The following ATXN7 variants were observed in gnomAD, a reference collection of about 807,000 sequenced individuals.
ATXN7 encodes ataxin 7, also known as ataxin-7.
Under a neutral mutation model 70.5 loss-of-function variants are expected in ATXN7, and 12 were observed. The observed-to-expected ratio is 0.17, with a 90% CI of 0.11 to 0.28. The LOEUF (loss-of-function observed/expected upper bound fraction) is 0.28, where lower values mean the gene tolerates loss of function less well. Among genes scored for constraint, ATXN7 ranks in the 10% least tolerant of loss-of-function variants. The pLI, the probability that ATXN7 is intolerant of heterozygous loss-of-function variation, is 1.00. For missense variants in ATXN7, 1,256 were observed against 1,131.7 expected, an observed-to-expected ratio of 1.11 and a Z score of -1.58; for synonymous variants, 498 against 448.7, an observed-to-expected ratio of 1.11 and a Z score of -1.39.
At chr3:63,915,983 G>A (rs976774305) in intron 4 of ATXN7, among the ~76,000 whole-genome samples, 5 of 152,064 alleles carry the variant, frequency 3.3e-5, no homozygotes, top group Non-Finnish European at 5.9e-5. Context: ...CACCACCCCC[G>A]CCAGAAACTC....
At chr3:63,877,247 A>C (rs72878744) in intron 1 of ATXN7, among the ~76,000 whole-genome samples, 376 of 152,306 alleles carry the variant, frequency 2.5e-3, no homozygotes, top group African/African-American at 8.7e-3. Context: ...TGATTACAGA[A>C]ATCATAAGTG....
intron 4 of ATXN7, among the ~76,000 whole-genome samples, chr3:63,929,656 T>C (rs1429324056): frequency 1.3e-5 from 2 of 152,150 alleles, no homozygotes; most frequent in African/African-American, 2.4e-5. Context: ...ACTAAGTAGA[T>C]TGATCTGACC....
chr3:63,912,951 T>G, intron 3 of ATXN7, 28 bp downstream of exon 3: 5 of 1,368,882 alleles, frequency 3.7e-6, no homozygotes, highest in East Asian at 3.9e-5. Context: ...CCTCCCCCCT[T>G]CACCCCCTCG....
upstream of ATXN7, chr3:63,863,688 G>C: frequency 8.1e-7 from 1 of 1,239,234 alleles, no homozygotes; most frequent in Non-Finnish European, 1.0e-6. Flanking sequence ...AGGGGTTCCC[G>C]GAAGCGGGCC....
chr3:63,871,309 TA>T (rs1702584858), intron 1 of ATXN7, among the ~76,000 whole-genome samples: 1 of 152,240 alleles, frequency 6.6e-6, no homozygotes, highest in African/African-American at 2.4e-5. Flanking sequence ...TTTGCCATTT[TA>T]TATATAGATA....
intron 4 of ATXN7, among the ~76,000 whole-genome samples, chr3:63,920,543 G>C (rs1485073428): frequency 6.6e-6 from 1 of 152,082 alleles, no homozygotes; most frequent in Non-Finnish European, 1.5e-5. Flanking sequence ...CCTAACCTTT[G>C]TTTTTCTTAT....
chr3:63,960,425 G>C (rs1431780100), intron 5 of ATXN7, among the ~76,000 whole-genome samples: 1 of 152,192 alleles, frequency 6.6e-6, no homozygotes, highest in Non-Finnish European at 1.5e-5. Context: ...TTATGATCAC[G>C]TGGTTGCTGT....
chr3:63,926,491 C>T (rs939900615), intron 4 of ATXN7, among the ~76,000 whole-genome samples: 2 of 152,146 alleles, frequency 1.3e-5, no homozygotes, highest in African/African-American at 4.8e-5. Context: ...TTTTGAAGAA[C>T]AGCAGGGGGC....
intron 5 of ATXN7, among the ~76,000 whole-genome samples, chr3:63,966,186 G>C (rs2075219278): frequency 6.6e-6 from 1 of 152,148 alleles, no homozygotes; most frequent in Non-Finnish European, 1.5e-5. Context: ...AAGGACTCTG[G>C]TGTTCTGTCA....
intron 4 of ATXN7, among the ~76,000 whole-genome samples, chr3:63,934,929 G>T (rs1208549948): frequency 6.6e-6 from 1 of 152,164 alleles, no homozygotes; most frequent in Non-Finnish European, 1.5e-5. Flanking sequence ...AGCCTCTCTG[G>T]CCTCTACCAC....
rs1276886712 is a variant in ATXN7, at chr3:63,912,772, A to G, written c.174A>G (p.Thr58=). 4 of 1,433,996 alleles carry G rather than the reference A, an allele frequency of 2.8e-6. No homozygotes were observed. Among genetic ancestry groups the G allele is most frequent in the Non-Finnish European group, 3.7e-6 (4 of 1,094,520 alleles). The allele number at this position is 1,433,996 out of a possible 1,614,324, so 88.8% of individuals were successfully genotyped here. The change falls in exon 3 of 13, where the codon ACA becomes ACG. Residue 58 remains threonine, a synonymous_variant. Transcript: ENST00000674280. The part of the protein sequence containing the change: ...QQHPPPPPRR[T]RPEDGGPGAA... Reference sequence around the variant, plus strand: ...ACCCGCCACCGCCGCCACGGCGCACACGGCCGGAGGACGGCGGGCCCGGCG... The same window carrying G: ...ACCCGCCACCGCCGCCACGGCGCACGCGGCCGGAGGACGGCGGGCCCGGCG...
chr3:63,884,664 G>T (rs751061358), intron 1 of ATXN7, among the ~76,000 whole-genome samples: 2 of 151,108 alleles, frequency 1.3e-5, no homozygotes, highest in African/African-American at 2.4e-5. Context: ...TATTTTTTTG[G>T]GGGGGATCAG....
intron 5 of ATXN7, among the ~76,000 whole-genome samples, chr3:63,976,859 C>T (rs1362293957): frequency 6.6e-6 from 1 of 152,090 alleles, no homozygotes; most frequent in African/African-American, 2.4e-5. Context: ...ACATAGGAAC[C>T]TAATGAAAAG....
At chr3:63,995,344 G>T (rs1252492566) in intron 11 of ATXN7, among the ~76,000 whole-genome samples, 161 bp from the exon 12 acceptor site, 1 of 152,174 alleles carries the variant, frequency 6.6e-6, no homozygotes, top group African/African-American at 2.4e-5. Flanking sequence ...AGGCATTAAA[G>T]AATTTGAAGG....
chr3:63,947,317 A>G (rs1397323528), intron 4 of ATXN7, among the ~76,000 whole-genome samples: 1 of 152,144 alleles, frequency 6.6e-6, no homozygotes, highest in Non-Finnish European at 1.5e-5. Flanking sequence ...CAGGCGCAGT[A>G]GCTCACACTT....
At position 63,999,595 on chromosome 3, in the gene ATXN7, A is replaced by G. The variant is rs2075813090; in HGVS notation, c.*128A>G. On this transcript the variant is annotated 3_prime_UTR_variant, in exon 13 of 13. Coordinates refer to ENST00000674280, the MANE Select transcript of ATXN7 (RefSeq NM_001377405.1). ...CCAACCTCCTGTGGGCCTCAAGGGTAGAAACCTGCCGGGCTGTTGTTTTAA... is the reference window on the plus strand; with the variant it reads ...CCAACCTCCTGTGGGCCTCAAGGGTGGAAACCTGCCGGGCTGTTGTTTTAA... The G allele has an allele frequency of 1.3e-6, 2 of 1,513,120 alleles. No individual in the cohort carries two copies. The highest frequency in any genetic ancestry group is 1.8e-6 in the Non-Finnish European group (2 of 1,109,228). 93.7% of individuals were successfully genotyped at this position (1,513,120 alleles called of 1,614,324 possible).
intron 4 of ATXN7, among the ~76,000 whole-genome samples, chr3:63,939,836 C>T (rs1473111120): frequency 6.6e-6 from 1 of 152,112 alleles, no homozygotes; most frequent in African/African-American, 2.4e-5. Context: ...GTTTGGAACT[C>T]CCCCAAAGCC....
At chr3:63,980,877 A>G (rs556116710) in intron 6 of ATXN7, among the ~76,000 whole-genome samples, 19 of 152,266 alleles carry the variant, frequency 1.2e-4, no homozygotes, top group African/African-American at 4.6e-4. Flanking sequence ...CACAGCAGTG[A>G]TGAGGGAAGA....
At chr3:63,911,670 G>GC (rs1443203964) in intron 2 of ATXN7, 4 of 152,192 alleles carry the variant, frequency 2.6e-5, no homozygotes, top group Admixed American at 1.3e-4. Context: ...TTCTCTCTTT[G>GC]CTGGACGAAT....
Sources: gnomAD v4.1 joint callset for allele counts (sites outside exome capture counted in the v4.1 genomes callset) on GRCh38, gnomAD v4.1.1 for gene constraint, MANE v1.5 for transcripts, NCBI Gene and HGNC (gene_info 2026-07-23, HGNC 2026-07-21) for gene names.